ABCA13: variants seen among roughly 807,000 people sequenced by gnomAD.
The protein encoded by ABCA13 is ATP binding cassette subfamily A member 13.
A neutral mutation model predicts 478.7 loss-of-function variants in ABCA13; 476 were observed. The ratio of observed to expected loss-of-function variants is 0.99; its 90% confidence interval spans 0.92 to 1.07. ABCA13 has a LOEUF of 1.07. Among genes scored for constraint, ABCA13 ranks in the 50% least tolerant of loss-of-function variants. The probability of loss-of-function intolerance (pLI) is 0.00; values close to 1 mark genes in which losing one functional copy is unlikely to be tolerated. For missense variants in ABCA13, 6,060 were observed against 5,910.6 expected (o/e 1.03, Z -0.83); for synonymous variants, 2,252 against 2,158.9 (o/e 1.04, Z -1.20).
At chr7:48,198,548 G>C (rs1297607351) in intron 3 of ABCA13, among the ~76,000 whole-genome samples, 188 bp downstream of exon 3, 1 of 152,216 alleles carries the variant, frequency 6.6e-6, no homozygotes, top group Non-Finnish European at 1.5e-5. Context: ...TCCAGCAGGA[G>C]ATCTTTCCAC....
chr7:48,571,913 C>T lies in ABCA13; in HGVS notation c.14355-8311C>T, dbSNP rs559844555. 1.4e-4 allele frequency among the ~76,000 whole-genome samples: 21 copies of T among 152,210 alleles called. 1 individual carries two copies. In the South Asian group the frequency reaches 3.3e-3, roughly 24 times the overall value. On this transcript the variant is annotated intron_variant, in intron 55 of 61. Coordinates refer to ENST00000435803, the MANE Select transcript of ABCA13 (RefSeq NM_152701.5). ...TTAACATAGGCTGGGTGCAGTGGCT[C>T]ATGTCTGTAATCCCAGCACTGTGGG...
chr7:48,349,779 G>A lies in ABCA13; in HGVS notation c.10205-864G>A, dbSNP rs138081257. ...CCAAGCTTCGATGGAGGGTGGAAAT[G>A]AGCACAGGGAGCAGCTCACATCATT... On this transcript the variant is annotated intron_variant, in intron 29 of 61. Transcript: ENST00000435803. Among the ~76,000 whole-genome samples, 844 of 152,312 alleles carry A rather than the reference G, an allele frequency of 5.5e-3. 8 individuals are homozygous for A. Among genetic ancestry groups the A allele is most frequent in the Middle Eastern group, 0.017 (5 of 294 alleles).
chr7:48,384,831 A>G (rs1585100964), intron 35 of ABCA13, among the ~76,000 whole-genome samples: 1 of 152,166 alleles, frequency 6.6e-6, no homozygotes, highest in South Asian at 2.1e-4. Flanking sequence ...ATATATATGG[A>G]CTGGTTTCTC....
intron 59 of ABCA13, among the ~76,000 whole-genome samples, chr7:48,631,097 G>A (rs1794125019): frequency 6.6e-6 from 1 of 151,502 alleles, no homozygotes; most frequent in Non-Finnish European, 1.5e-5. Context: ...TCATTCTGTG[G>A]GTTGTCTTTT....
intron 35 of ABCA13, among the ~76,000 whole-genome samples, chr7:48,378,336 A>G (rs549672841): frequency 7.5e-4 from 114 of 152,304 alleles, no homozygotes; most frequent in African/African-American, 2.6e-3. Flanking sequence ...GCTTTTAAGA[A>G]GAAATTCTTT....
intron 58 of ABCA13, among the ~76,000 whole-genome samples, chr7:48,602,113 C>T (rs1790955462): frequency 2.0e-5 from 3 of 152,026 alleles, no homozygotes; most frequent in Admixed American, 2.0e-4. Flanking sequence ...TTTGTAGATT[C>T]TGGATATTAG....
At chr7:48,193,619 TG>T (rs1187101208) in intron 2 of ABCA13, among the ~76,000 whole-genome samples, 3 of 151,362 alleles carry the variant, frequency 2.0e-5, no homozygotes, top group Non-Finnish European at 4.4e-5. Context: ...ATGATGATAG[TG>T]ATGATGATGT....
intron 56 of ABCA13, among the ~76,000 whole-genome samples, chr7:48,586,227 G>C (rs1350913440): frequency 6.6e-6 from 1 of 151,984 alleles, no homozygotes; most frequent in Non-Finnish European, 1.5e-5. Flanking sequence ...ACCATCCTTG[G>C]GTCTTGGCAA....
chr7:48,245,590 T>C lies in ABCA13; in HGVS notation c.1469T>C (p.Val490Ala), dbSNP rs781739886. 1 of 1,612,026 alleles carries C rather than the reference T, an allele frequency of 6.2e-7. No homozygotes were observed. Among genetic ancestry groups the C allele is most frequent in the Non-Finnish European group, 8.5e-7 (1 of 1,179,360 alleles). The change falls in exon 12 of 62, where the codon GTG becomes GCG. Residue 490 changes from valine to alanine, a missense_variant. Transcript: ENST00000435803. ...AACCAATTGAAACTGGAAAAGGATG[T>C]GTTCTTTTGGGAGCTGAAACAGGTA... is the stretch of plus-strand genomic sequence containing the variant. ...ELNQLKLEKDVFFWELKQMLA... is the reference protein window; with the variant it reads ...ELNQLKLEKDAFFWELKQMLA...
intron 47 of ABCA13, among the ~76,000 whole-genome samples, chr7:48,488,657 G>C: frequency 6.6e-6 from 1 of 152,198 alleles, no homozygotes; most frequent in South Asian, 2.1e-4. Context: ...TTAAAATATT[G>C]ATACTTTGAA....
chr7:48,381,195 T>A (rs1814315642), intron 35 of ABCA13, among the ~76,000 whole-genome samples: 1 of 152,064 alleles, frequency 6.6e-6, no homozygotes, highest in Non-Finnish European at 1.5e-5. Context: ...GTAGTTTCAA[T>A]GACAGTTATC....
At chr7:48,262,987 G>A (rs1270009824) in intron 15 of ABCA13, among the ~76,000 whole-genome samples, 2 of 151,938 alleles carry the variant, frequency 1.3e-5, no homozygotes, top group African/African-American at 4.8e-5. Flanking sequence ...GGTAAGGTGA[G>A]ATGAATAATA....
intron 48 of ABCA13, among the ~76,000 whole-genome samples, chr7:48,502,295 T>A (rs1274291024): frequency 6.6e-6 from 1 of 152,122 alleles, no homozygotes; most frequent in Non-Finnish European, 1.5e-5. Context: ...CCAGGAAATG[T>A]GCTAAAATGA....
chr7:48,618,718 G>A (rs183405221), intron 59 of ABCA13, among the ~76,000 whole-genome samples: 2 of 152,172 alleles, frequency 1.3e-5, no homozygotes, highest in African/African-American at 2.4e-5. Flanking sequence ...CATAGGGGTT[G>A]TCCCTAGTTG....
chr7:48,621,640 A>T (rs1055323980), intron 59 of ABCA13, among the ~76,000 whole-genome samples: 1 of 152,186 alleles, frequency 6.6e-6, no homozygotes, highest in Admixed American at 6.5e-5. Flanking sequence ...AGTTCCTTAA[A>T]TTATTTTTTT....
At chr7:48,449,305 T>C (rs13229097) in intron 42 of ABCA13, among the ~76,000 whole-genome samples, 91,492 of 151,968 alleles carry the variant, frequency 0.6, 28,441 homozygotes, top group African/African-American at 0.77. Context: ...CCTTCCTTTT[T>C]CTTCTCTCCT....
Position 48,272,578 on chromosome 7 carries a change from A to T in ABCA13, c.2912A>T (p.Tyr971Phe). ...LLQIYSSFYR[Y>F]IYELLNIQSR... is the part of the protein sequence containing the mutation. ...CAAATTTATTCTTCATTTTACCGAT[A>T]TATTTATGAATTATTGAATATTCAG... The change falls in exon 17 of 62, where the codon TAT becomes TTT. Residue 971 changes from tyrosine to phenylalanine, a missense_variant. Transcript: ENST00000435803. The T allele has an allele frequency of 6.2e-7, 1 of 1,613,654 alleles. No homozygotes were observed. Among genetic ancestry groups the T allele is most frequent in the East Asian group, 2.2e-5 (1 of 44,860 alleles).
Position 48,455,226 on chromosome 7 carries a change from A to G in ABCA13, c.12755A>G (p.Glu4252Gly). 6.2e-7 allele frequency: 1 copy of G among 1,603,552 alleles called. No homozygotes were observed. The highest frequency in any genetic ancestry group is 1.1e-5 in the South Asian group (1 of 88,960). ...TTCATGGTGAGACCCCTGGCCACCG[A>G]GTACCCTCCCCTCAGACTCACACCT... ...GLFMVRPLAT[E>G]YPPLRLTPGH... is the part of the protein sequence containing the mutation. Residue 4252 changes from glutamate to glycine, a missense_variant, in exon 43 of 62, where the codon GAG becomes GGG. Coordinates refer to ENST00000435803, the MANE Select transcript of ABCA13 (RefSeq NM_152701.5).
Position 48,445,706 on chromosome 7 carries a change from G to A in ABCA13, c.12566-9331G>A, listed in dbSNP as rs538250805. Among the ~76,000 whole-genome samples the A allele has an allele frequency of 5.3e-5, 8 of 152,226 alleles. No individual in the cohort carries two copies. The South Asian group carries it at 1.2e-3, about 24-fold the overall frequency. On this transcript the variant is annotated intron_variant, in intron 42 of 61. Transcript: ENST00000435803. ...TGCTTCACAGAACCTGTGGCAGGTTGTATTTAAATAGCTAATTGCAAGTGT... is the reference window on the plus strand; with the variant it reads ...TGCTTCACAGAACCTGTGGCAGGTTATATTTAAATAGCTAATTGCAAGTGT...
Sources: allele counts gnomAD v4.1 joint callset (sites outside exome capture counted in the v4.1 genomes callset), GRCh38; gene constraint gnomAD v4.1.1; transcripts MANE v1.5; gene names NCBI Gene and HGNC (gene_info 2026-07-23, HGNC 2026-07-21).